Variants in TXLNG observed in about 807,000 individuals in gnomAD.
TXLNG encodes taxilin gamma, also known as gamma-taxilin.
In TXLNG, 5 loss-of-function variants were observed where a neutral mutation model predicts 38.8. The observed-to-expected ratio is 0.13, with a 90% CI of 0.07 to 0.27. TXLNG has a LOEUF of 0.27. Among genes scored for constraint, TXLNG ranks in the 10% least tolerant of loss-of-function variants. TXLNG has a pLI of 1.00. For missense variants in TXLNG, 393 were observed against 398.2 expected (o/e 0.99, Z 0.11); for synonymous variants, 182 against 158.2 (o/e 1.15, Z -1.13).
In TXLNG at chrX:16,842,868, A is replaced by G. The variant is rs1264911871; in HGVS notation, c.*1102A>G. 10 of 112,137 alleles carry G rather than the reference A, an allele frequency of 8.9e-5. No individual in the cohort carries two copies. Among genetic ancestry groups the G allele is most frequent in the African/African-American group, 3.2e-4 (10 of 30,823 alleles). 9.2% of individuals were successfully genotyped at this position (112,137 alleles called of 1,213,427 possible). On this transcript the variant is annotated 3_prime_UTR_variant, in exon 10 of 10. Coordinates refer to ENST00000380122, the MANE Select transcript of TXLNG (RefSeq NM_018360.3). ...GTCATGATCTGTTACTTACGTGTTCAGTCTGTTTTCTCACCCCCTTCTTAG... is the reference window on the plus strand; with the variant it reads ...GTCATGATCTGTTACTTACGTGTTCGGTCTGTTTTCTCACCCCCTTCTTAG...
At chrX:16,810,924 A>G (rs566317889) in intron 1 of TXLNG, among the ~76,000 whole-genome samples, 2 of 111,442 alleles carry the variant, frequency 1.8e-5, no homozygotes, top group African/African-American at 6.5e-5. Context: ...CAAGTGTTCT[A>G]CCCACCTCGG....
intron 1 of TXLNG, among the ~76,000 whole-genome samples, chrX:16,801,209 A>G (rs2147465325): frequency 9.0e-6 from 1 of 110,730 alleles, no homozygotes; most frequent in South Asian, 3.8e-4. Context: ...TTTTTGAGAC[A>G]GAGTCTCACT....
intron 1 of TXLNG, among the ~76,000 whole-genome samples, chrX:16,806,722 C>T (rs1928339695): frequency 9.1e-6 from 1 of 110,078 alleles, no homozygotes; most frequent in Admixed American, 9.8e-5. Context: ...TCAAGACGAT[C>T]CTGGTTAACA....
intron 6 of TXLNG, among the ~76,000 whole-genome samples, chrX:16,833,520 G>C (rs2147496156): frequency 8.9e-6 from 1 of 111,977 alleles, no homozygotes; most frequent in South Asian, 3.7e-4. Context: ...AGGGTTTAGA[G>C]AGACATGTTT....
chrX:16,831,541 T>C (rs745579038), intron 5 of TXLNG, among the ~76,000 whole-genome samples: 28 of 112,600 alleles, frequency 2.5e-4, no homozygotes, highest in South Asian at 1.1e-3. Context: ...AAAATATAGG[T>C]TCCCCCCCTT....
intron 2 of TXLNG, 65 bp downstream of exon 2, chrX:16,818,942 C>G: frequency 9.1e-7 from 1 of 1,099,652 alleles, no homozygotes; most frequent in Non-Finnish European, 1.2e-6. Context: ...TTTCTGCAGC[C>G]CAGATAATTT....
At chrX:16,803,883 C>T (rs1292620128) in intron 1 of TXLNG, among the ~76,000 whole-genome samples, 5 of 109,291 alleles carry the variant, frequency 4.6e-5, no homozygotes, top group Non-Finnish European at 7.6e-5. Flanking sequence ...ACCCGGGAGG[C>T]GGAGGTTGTG....
rs767930331 is a variant in TXLNG at position 16,841,349 on chromosome X, A to G, written c.1249-79A>G. ...ATGTTCCATAGGTGAGAAGTGTCCA[A>G]TATGGCTGAGCTGGCTTAATTTTTT... is the stretch of plus-strand genomic sequence containing the variant. On this transcript the variant is annotated intron_variant, in intron 9 of 9. Transcript: ENST00000380122. The G allele has an allele frequency of 3.2e-5, 29 of 918,312 alleles. 1 individual carries two copies. In the African/African-American group the frequency reaches 4.6e-4, roughly 14 times the overall value. 75.7% of individuals were successfully genotyped at this position (918,312 alleles called of 1,213,427 possible). A position where few individuals can be genotyped will look rare whatever the true frequency, so the allele number is the denominator to read the frequency against.
chrX:16,832,698 C>G lies in TXLNG; in HGVS notation c.940C>G (p.Leu314Val). 8.3e-7 allele frequency: 1 copy of G among 1,206,523 alleles called. No individual in the cohort carries two copies. The highest frequency in any genetic ancestry group is 2.3e-4 in the Middle Eastern group (1 of 4,327). ...TGCCAAACTGCAGCAAACGACACAA[C>G]TGATAAAAGAAGCTGATGAAAAACA... ...VDAKLQQTTQ[L>V]IKEADEKHQR... Residue 314 changes from leucine (L) to valine (V), a missense_variant, in exon 6 of 10, where the codon CTG becomes GTG. Leu to Val is a conservative substitution (Grantham distance 32). Transcript: ENST00000380122.
chrX:16,834,204 A>C (rs3747367), intron 6 of TXLNG, 79 bp from the exon 7 acceptor site: 276,162 of 834,866 alleles, frequency 0.33, 35,102 homozygotes, highest in East Asian at 0.63. Flanking sequence ...AGAAGGATGA[A>C]GCCTAACTCT....
intron 1 of TXLNG, among the ~76,000 whole-genome samples, chrX:16,792,378 A>T (rs2147458026): frequency 9.0e-6 from 1 of 111,319 alleles, no homozygotes; most frequent in African/African-American, 3.3e-5. Flanking sequence ...ACCTCAAGAA[A>T]TCTGTTTGCC....
Position 16,820,345 on chromosome X carries a change from T to C in TXLNG, c.498+90T>C, listed in dbSNP as rs1427067790. ...AGTTTCTTAAAGTACAAATTTGATA[T>C]GGCCTTAAATGTAAAATTATATTTT... On this transcript the variant is annotated intron_variant, in intron 3 of 9. Coordinates refer to ENST00000380122, the MANE Select transcript of TXLNG (RefSeq NM_018360.3). The C allele has an allele frequency of 9.6e-6, 6 of 622,272 alleles. No individual in the cohort carries two copies. In the East Asian group the frequency reaches 1.8e-4, roughly 18 times the overall value. 51.3% of individuals were successfully genotyped at this position (622,272 alleles called of 1,213,427 possible).
At chrX:16,841,101 A>G (rs1929799145) in intron 9 of TXLNG, among the ~76,000 whole-genome samples, 1 of 109,684 alleles carries the variant, frequency 9.1e-6, no homozygotes, top group Non-Finnish European at 1.9e-5. Flanking sequence ...ATGCTGAGGC[A>G]GGAGAATCAC....
At chrX:16,821,302 G>T (rs1367003501) in intron 3 of TXLNG, among the ~76,000 whole-genome samples, 1 of 108,082 alleles carries the variant, frequency 9.3e-6, no homozygotes, top group Non-Finnish European at 1.9e-5. Flanking sequence ...CACCACGCCT[G>T]GCTAATTTTT....
intron 1 of TXLNG, among the ~76,000 whole-genome samples, chrX:16,792,822 C>G (rs1350633605): frequency 9.1e-6 from 1 of 110,015 alleles, no homozygotes; most frequent in Non-Finnish European, 1.9e-5. Flanking sequence ...ATAGGCCAGG[C>G]ACAGTGGCTC....
rs187258541 is a variant in TXLNG, at chrX:16,821,382, G to A, written c.498+1127G>A. 8.2e-3 allele frequency among the ~76,000 whole-genome samples: 905 copies of A among 110,569 alleles called. 13 individuals carry two copies. The highest frequency in any genetic ancestry group is 0.027 in the African/African-American group (837 of 30,474). ...TCTCCATCTCCTGAACTTGTGATCC[G>A]CCCGCCTTGGCCTCCCAAAGTTCTG... is the stretch of plus-strand genomic sequence containing the variant. On this transcript the variant is annotated intron_variant, in intron 3 of 9. Transcript: ENST00000380122.
intron 4 of TXLNG, 82 bp downstream of exon 4, chrX:16,828,346 C>A: frequency 1.0e-6 from 1 of 969,294 alleles, no homozygotes; most frequent in Non-Finnish European, 1.4e-6. Flanking sequence ...TGAAATAAAT[C>A]CTTGTCTCTA....
At chrX:16,794,453 C>T (rs892623039) in intron 1 of TXLNG, among the ~76,000 whole-genome samples, 3 of 111,207 alleles carry the variant, frequency 2.7e-5, no homozygotes, top group Non-Finnish European at 5.7e-5. Context: ...AGGAGGTATG[C>T]CATGCTACAA....
intron 1 of TXLNG, among the ~76,000 whole-genome samples, chrX:16,797,297 A>AT (rs1927925811): frequency 9.5e-6 from 1 of 105,638 alleles, no homozygotes; most frequent in Admixed American, 1.0e-4. Flanking sequence ...AAAAAAAAAA[A>AT]GAAGAAATGT....
Sources: allele counts gnomAD v4.1 joint callset (sites outside exome capture counted in the v4.1 genomes callset), GRCh38; gene constraint gnomAD v4.1.1; transcripts MANE v1.5; gene names NCBI Gene and HGNC (gene_info 2026-07-23, HGNC 2026-07-21).